The following MTREX variants were observed in gnomAD, a reference collection of about 807,000 sequenced individuals.
MTREX encodes the protein Mtr4 exosome RNA helicase, also known as exosome RNA helicase MTR4.
MTREX carries 76 observed loss-of-function variants against 135.4 expected under a neutral mutation model. The observed-to-expected ratio is 0.56, with a 90% CI of 0.47 to 0.68. MTREX has a LOEUF of 0.68. MTREX is among the 30% of genes least tolerant of loss of function. MTREX has a pLI of 0.00. For synonymous variants in MTREX, 404 were observed against 401.6 expected, an observed-to-expected ratio of 1.01 and a Z score of -0.07; for missense variants, 920 against 1,262.1, an observed-to-expected ratio of 0.73 and a Z score of 4.11.
At chr5:55,378,761 A>G (rs1380650179) in intron 17 of MTREX, among the ~76,000 whole-genome samples, 4 of 152,210 alleles carry the variant, frequency 2.6e-5, no homozygotes, top group Non-Finnish European at 5.9e-5. Flanking sequence ...TGAAATGCTA[A>G]CTATAACTGT....
intron 18 of MTREX, among the ~76,000 whole-genome samples, chr5:55,381,979 T>C (rs1458275324): frequency 6.6e-6 from 1 of 152,216 alleles, no homozygotes; most frequent in Non-Finnish European, 1.5e-5. Context: ...AGCTTTCTTT[T>C]GATTATTCTT....
chr5:55,389,914 A>G (rs1750539319), intron 19 of MTREX, among the ~76,000 whole-genome samples: 1 of 152,144 alleles, frequency 6.6e-6, no homozygotes. Flanking sequence ...AGAAATAGTT[A>G]TGTGGGCAGT....
intron 25 of MTREX, 124 bp downstream of exon 25, chr5:55,416,256 T>C: frequency 5.2e-6 from 3 of 574,094 alleles, no homozygotes; most frequent in Non-Finnish European, 8.6e-6. Context: ...ATCTTCTCCC[T>C]ATTATATAGA....
rs70992784 is a variant in MTREX at position 55,402,872 on chromosome 5, G to GTGTGTGTGTA, written c.2481+2452_2481+2453insGTGTGTGTAT. 4.4e-3 allele frequency among the ~76,000 whole-genome samples: 613 copies of GTGTGTGTGTA among 138,806 alleles called. 4 individuals are homozygous for GTGTGTGTGTA. Among genetic ancestry groups the GTGTGTGTGTA allele is most frequent in the African/African-American group, 0.014 (523 of 36,678 alleles). 91.1% of individuals were successfully genotyped at this position (138,806 alleles called of 152,430 possible). A position where few individuals can be genotyped will look rare whatever the true frequency, so the allele number is the denominator to read the frequency against. ...TATGTATGTGTGTGTGTGTGTGTGT[G>GTGTGTGTGTA]TATATATATAATTTCTTTTTTTTTT... On this transcript the variant is annotated intron_variant, in intron 21 of 26. Transcript: ENST00000230640.
chr5:55,347,536 A>T (rs1182493935), intron 11 of MTREX, among the ~76,000 whole-genome samples: 1 of 152,228 alleles, frequency 6.6e-6, no homozygotes, highest in Non-Finnish European at 1.5e-5. Context: ...CTGAAGTCTA[A>T]ACCAGTAAGA....
intron 18 of MTREX, among the ~76,000 whole-genome samples, chr5:55,384,502 G>T (rs1029054323): frequency 3.9e-5 from 6 of 152,192 alleles, no homozygotes; most frequent in Non-Finnish European, 7.4e-5. Context: ...CCTAACATCT[G>T]GTCACTATTA....
chr5:55,394,079 G>A (rs867393932), intron 19 of MTREX, among the ~76,000 whole-genome samples: 17 of 152,072 alleles, frequency 1.1e-4, no homozygotes, highest in African/African-American at 3.6e-4. Context: ...TCTGAATCTC[G>A]TCTTCACAAA....
chr5:55,327,812 T>C (rs758633601), intron 4 of MTREX, 34 bp downstream of exon 4: 9 of 1,422,376 alleles, frequency 6.3e-6, no homozygotes, highest in African/African-American at 2.9e-5. Context: ...TTATATAGTT[T>C]CGTGAGACTC....
intron 11 of MTREX, 46 bp downstream of exon 11, chr5:55,347,190 C>G (rs376010366): frequency 6.6e-7 from 1 of 1,511,718 alleles, no homozygotes; most frequent in Non-Finnish European, 9.0e-7. Flanking sequence ...TGAAAATGAG[C>G]GTAAAATATA....
At chr5:55,320,280 C>T (rs1699692984) in intron 1 of MTREX, among the ~76,000 whole-genome samples, 1 of 150,046 alleles carries the variant, frequency 6.7e-6, no homozygotes, top group Non-Finnish European at 1.5e-5. Flanking sequence ...TACAGTGGCA[C>T]GATCTCAGCT....
intron 16 of MTREX, among the ~76,000 whole-genome samples, chr5:55,368,219 G>C (rs979782617): frequency 6.6e-6 from 1 of 152,134 alleles, no homozygotes; most frequent in Non-Finnish European, 1.5e-5. Flanking sequence ...CGAGGCCCAG[G>C]GGGGCAGATA....
At chr5:55,405,672 T>A in intron 22 of MTREX, 84 bp downstream of exon 22, 17 of 1,151,926 alleles carry the variant, frequency 1.5e-5, no homozygotes, top group Non-Finnish European at 2.0e-5. Context: ...TGAGATGGAG[T>A]CTCACTGTTG....
intron 5 of MTREX, among the ~76,000 whole-genome samples, chr5:55,331,847 G>T (rs556993177): frequency 1.0e-3 from 159 of 152,182 alleles, no homozygotes; most frequent in Admixed American, 1.7e-3. Context: ...CTCTTGGGGC[G>T]TACTGTTCTT....
intron 2 of MTREX, 34 bp from the exon 3 acceptor site, chr5:55,324,098 T>C (rs1268839909): frequency 6.7e-7 from 1 of 1,492,814 alleles, no homozygotes. Flanking sequence ...AAAAGTAATT[T>C]GTTTTTGTGT....
intron 1 of MTREX, among the ~76,000 whole-genome samples, chr5:55,309,959 A>G (rs1226556833): frequency 2.0e-5 from 3 of 152,226 alleles, no homozygotes; most frequent in African/African-American, 7.2e-5. Context: ...TTTCAGAGAA[A>G]ATAAGAAAGG....
chr5:55,392,709 GGTCTTTCTTGA>G (rs764888308), intron 19 of MTREX, among the ~76,000 whole-genome samples: 11 of 152,034 alleles, frequency 7.2e-5, no homozygotes, highest in Non-Finnish European at 1.6e-4. Flanking sequence ...AGTCTTTTCA[GGTCTTTCTTGA>G]CTATGCACAC....
chr5:55,374,122 G>T (rs1389243155), intron 16 of MTREX, among the ~76,000 whole-genome samples: 4 of 151,928 alleles, frequency 2.6e-5, no homozygotes, highest in Admixed American at 2.6e-4. Context: ...GCCACATGTG[G>T]TGGCGCACAC....
chr5:55,368,593 CTTATT>C (rs1750142771), intron 16 of MTREX, among the ~76,000 whole-genome samples: 1 of 152,076 alleles, frequency 6.6e-6, no homozygotes, highest in African/African-American at 2.4e-5. Context: ...CAATTCCACT[CTTATT>C]TTACTTTATT....
chr5:55,378,534 A>G, intron 17 of MTREX, 48 bp downstream of exon 17: 1 of 1,532,114 alleles, frequency 6.5e-7, no homozygotes, highest in Non-Finnish European at 8.8e-7. Context: ...CAATATTTAA[A>G]CATATTTTTG....
Sources: gnomAD v4.1 joint callset for allele counts (sites outside exome capture counted in the v4.1 genomes callset) on GRCh38, gnomAD v4.1.1 for gene constraint, MANE v1.5 for transcripts, NCBI Gene and HGNC (gene_info 2026-07-23, HGNC 2026-07-21) for gene names.